Variants in RABGAP1L observed in about 807,000 individuals in gnomAD.
RABGAP1L encodes the protein rab GTPase-activating protein 1-like.
Under a neutral mutation model 137.7 loss-of-function variants are expected in RABGAP1L, and 63 were observed. That is an observed-to-expected ratio of 0.46 (90% CI 0.37 to 0.56). The LOEUF (loss-of-function observed/expected upper bound fraction) is 0.56, where lower values mean the gene tolerates loss of function less well. RABGAP1L is among the 20% of genes least tolerant of loss of function. The pLI is 0.00. For synonymous variants in RABGAP1L, 431 were observed against 433.7 expected, an observed-to-expected ratio of 0.99 and a Z score of 0.08; for missense variants, 1,095 against 1,244.0, an observed-to-expected ratio of 0.88 and a Z score of 1.80.
intron 19 of RABGAP1L, among the ~76,000 whole-genome samples, chr1:174,946,942 G>GTA: frequency 2.2e-5 from 1 of 46,120 alleles, no homozygotes; most frequent in Admixed American, 2.6e-4. Context: ...ATATATATAT[G>GTA]TGTGTGTGTG....
At chr1:174,759,888 C>G (rs1290999122) in intron 18 of RABGAP1L, among the ~76,000 whole-genome samples, 1 of 152,148 alleles carries the variant, frequency 6.6e-6, no homozygotes, top group African/African-American at 2.4e-5. Flanking sequence ...CTCCCATGAC[C>G]CAAACACCTC....
At chr1:174,902,575 C>G (rs533023090) in intron 19 of RABGAP1L, among the ~76,000 whole-genome samples, 53 of 152,234 alleles carry the variant, frequency 3.5e-4, no homozygotes, top group Non-Finnish European at 6.5e-4. Flanking sequence ...AGTGGCTACT[C>G]TGCCGTGACT....
At chr1:174,463,531 G>C (rs1274623337) in intron 13 of RABGAP1L, among the ~76,000 whole-genome samples, 2 of 151,890 alleles carry the variant, frequency 1.3e-5, no homozygotes, top group Admixed American at 6.6e-5. Context: ...GGAGGGGGAA[G>C]GGATAGCATT....
chr1:174,403,844 C>T (rs1283739931), intron 13 of RABGAP1L, among the ~76,000 whole-genome samples: 9 of 149,800 alleles, frequency 6.0e-5, no homozygotes, highest in Non-Finnish European at 1.5e-5. Context: ...GGAGTATTTG[C>T]ATTCTAAAAT....
At chr1:174,550,888 A>ATG (rs1666394868) in intron 13 of RABGAP1L, among the ~76,000 whole-genome samples, 1 of 66,464 alleles carries the variant, frequency 1.5e-5, no homozygotes, top group African/African-American at 9.4e-5. Flanking sequence ...ATATATATAT[A>ATG]TATATATACA....
chr1:174,671,765 CT>C (rs1256721779), intron 14 of RABGAP1L, among the ~76,000 whole-genome samples: 1 of 151,998 alleles, frequency 6.6e-6, no homozygotes, highest in Non-Finnish European at 1.5e-5. Context: ...CTGTAGTTTT[CT>C]TTTTTTGTTG....
intron 13 of RABGAP1L, among the ~76,000 whole-genome samples, chr1:174,413,003 CCT>C (rs1650124844): frequency 6.6e-6 from 1 of 152,070 alleles, no homozygotes; most frequent in Non-Finnish European, 1.5e-5. Flanking sequence ...TGGATGTCTA[CCT>C]CTCTAGCAAG....
intron 13 of RABGAP1L, among the ~76,000 whole-genome samples, chr1:174,599,165 C>G (rs1670226809): frequency 6.6e-6 from 1 of 152,226 alleles, no homozygotes; most frequent in South Asian, 2.1e-4. Context: ...TCATTTAAAA[C>G]TAATGACAAC....
intron 19 of RABGAP1L, among the ~76,000 whole-genome samples, chr1:174,844,301 C>T (rs1449948066): frequency 6.2e-5 from 8 of 128,564 alleles, no homozygotes; most frequent in Non-Finnish European, 1.1e-4. Flanking sequence ...TCCTTGCCCA[C>T]ACCTATGTCC....
intron 23 of RABGAP1L, among the ~76,000 whole-genome samples, chr1:174,980,982 G>A (rs1671057944): frequency 6.6e-6 from 1 of 151,868 alleles, no homozygotes; most frequent in Admixed American, 6.6e-5. Context: ...TAGGAGAAGA[G>A]GTGGTAGACA....
At position 174,994,706 on chromosome 1, in the gene RABGAP1L, A is replaced by G. The variant is rs1166337240; in HGVS notation, c.*4705A>G. ...ATGGTCCCAGATCCAAGATGTCCCA[A>G]AAGCCTTTTGTATCAGTTTCTCTAT... On this transcript the variant is annotated 3_prime_UTR_variant, in exon 26 of 26. Transcript: ENST00000681986. The G allele has an allele frequency of 1.3e-5, 2 of 152,194 alleles. No homozygotes were observed. Among genetic ancestry groups the G allele is most frequent in the Non-Finnish European group, 2.9e-5 (2 of 68,028 alleles). 9.4% of individuals were successfully genotyped at this position (152,194 alleles called of 1,614,324 possible).
chr1:174,762,807 C>CTTTTTTTT (rs71563260), intron 18 of RABGAP1L, among the ~76,000 whole-genome samples: 15 of 81,802 alleles, frequency 1.8e-4, no homozygotes, highest in African/African-American at 2.4e-4. Context: ...GTCTCCTTTG[C>CTTTTTTTT]TTTTTTTTTT....
At chr1:174,645,550 C>T (rs1385587842) in intron 14 of RABGAP1L, among the ~76,000 whole-genome samples, 2 of 152,046 alleles carry the variant, frequency 1.3e-5, no homozygotes, top group African/African-American at 4.8e-5. Flanking sequence ...GACATGAACT[C>T]ATTCTTTTTT....
chr1:174,265,564 T>G lies in RABGAP1L; in HGVS notation c.987-6850T>G, dbSNP rs569043310. On this transcript the variant is annotated intron_variant, in intron 7 of 25. Coordinates refer to ENST00000681986, the MANE Select transcript of RABGAP1L (RefSeq NM_001366446.1). Reference sequence around the variant, plus strand: ...GTCTTGAAAAAAAAAAAAAAAAAAGTGAAGAAGGAAAGCACTCATATTTGA... The same window carrying G: ...GTCTTGAAAAAAAAAAAAAAAAAAGGGAAGAAGGAAAGCACTCATATTTGA... 3.1e-4 allele frequency among the ~76,000 whole-genome samples: 44 copies of G among 143,692 alleles called. No individual in the cohort carries two copies. In the South Asian group the frequency reaches 9.4e-3, roughly 31 times the overall value. The allele number at this position is 143,692 out of a possible 152,430, so 94.3% of individuals were successfully genotyped here.
chr1:174,740,514 T>C (rs899678502), intron 17 of RABGAP1L, among the ~76,000 whole-genome samples: 1 of 152,174 alleles, frequency 6.6e-6, no homozygotes, highest in African/African-American at 2.4e-5. Context: ...TACATACCAC[T>C]TCTTGAGTGT....
In RABGAP1L at chr1:174,230,235, C is replaced by T. The variant is rs144625176; in HGVS notation, c.332-910C>T. 4.0e-4 allele frequency among the ~76,000 whole-genome samples: 40 copies of T among 100,650 alleles called. 1 individual carries two copies. The East Asian group carries it at 4.0e-3, about 10-fold the overall frequency. 66.0% of individuals were successfully genotyped at this position (100,650 alleles called of 152,430 possible). ...ACACAGGAAGGGAAACATCACACACCGGGGCATGTTGTGAGGTGGGGGGAG... is the reference window on the plus strand; with the variant it reads ...ACACAGGAAGGGAAACATCACACACTGGGGCATGTTGTGAGGTGGGGGGAG... On this transcript the variant is annotated intron_variant, in intron 3 of 25. Coordinates refer to ENST00000681986, the MANE Select transcript of RABGAP1L (RefSeq NM_001366446.1).
chr1:174,789,542 CT>C (rs1687699863), intron 18 of RABGAP1L, among the ~76,000 whole-genome samples: 1 of 152,010 alleles, frequency 6.6e-6, no homozygotes, highest in African/African-American at 2.4e-5. Context: ...AGGGCAAAGA[CT>C]GTAAGCTAAA....
intron 13 of RABGAP1L, among the ~76,000 whole-genome samples, chr1:174,492,620 G>A (rs1481697240): frequency 2.0e-5 from 3 of 152,082 alleles, no homozygotes; most frequent in Non-Finnish European, 2.9e-5. Context: ...AAAGTGCTAG[G>A]ATTACAGGCA....
At chr1:174,848,820 C>T (rs548855849) in intron 19 of RABGAP1L, among the ~76,000 whole-genome samples, 1,825 of 151,420 alleles carry the variant, frequency 0.012, 20 homozygotes, top group Non-Finnish European at 0.017. Context: ...GGCGCCCCTC[C>T]CCCAGCTTCG....
Sources: gnomAD v4.1 joint callset for allele counts (sites outside exome capture counted in the v4.1 genomes callset) on GRCh38, gnomAD v4.1.1 for gene constraint, MANE v1.5 for transcripts, NCBI Gene and HGNC (gene_info 2026-07-23, HGNC 2026-07-21) for gene names.